NANS: variants seen among roughly 807,000 people sequenced by gnomAD.
NANS encodes N-acetylneuraminate synthase, also known as N-acetylneuraminate-9-phosphate synthase.
Under a neutral mutation model 33.3 loss-of-function variants are expected in NANS, and 29 were observed. The observed-to-expected ratio is 0.87, with a 90% confidence interval of 0.65 to 1.19. The LOEUF is 1.19. Ranked by LOEUF, NANS falls within the 50% of genes most tolerant of loss-of-function variation. NANS has a pLI of 0.00. For missense variants in NANS, 394 were observed against 461.1 expected (o/e 0.85, Z 1.33); for synonymous variants, 163 against 177.2 (o/e 0.92, Z 0.64).
At chr9:98,061,726 G>A (rs1828987559) in intron 2 of NANS, among the ~76,000 whole-genome samples, 1 of 151,420 alleles carries the variant, frequency 6.6e-6, no homozygotes, top group Admixed American at 6.6e-5. Context: ...GTTGCAGTAA[G>A]CCGAGATCGC....
intron 1 of NANS, among the ~76,000 whole-genome samples, chr9:98,057,149 C>T (rs1828851199): frequency 6.6e-6 from 1 of 152,262 alleles, no homozygotes; most frequent in Non-Finnish European, 1.5e-5. Flanking sequence ...CAGCTGCCTC[C>T]TAACCCGACC....
chr9:98,073,590 CTT>C (rs34969073), intron 2 of NANS, among the ~76,000 whole-genome samples: 5 of 141,646 alleles, frequency 3.5e-5, no homozygotes, highest in Non-Finnish European at 4.6e-5. Context: ...GCCTGGGCTT[CTT>C]TTTTTTTTTT....
chr9:98,056,981 G>C (rs1587900066), intron 1 of NANS, 41 bp downstream of exon 1: 1 of 1,532,682 alleles, frequency 6.5e-7, no homozygotes, highest in Admixed American at 1.9e-5. Context: ...CGGGCGCCGG[G>C]AGGGGCGGGG....
intron 2 of NANS, among the ~76,000 whole-genome samples, chr9:98,070,748 C>T (rs754210434): frequency 9.3e-5 from 14 of 151,044 alleles, no homozygotes; most frequent in Middle Eastern, 3.5e-3. Context: ...TCAGCAAATA[C>T]GAATAAATAA....
intron 2 of NANS, chr9:98,061,278 A>C: frequency 2.7e-6 from 1 of 370,838 alleles, no homozygotes; most frequent in Non-Finnish European, 5.1e-6. Flanking sequence ...GGAGTTCGAG[A>C]CCAGCCTGGC....
chr9:98,067,786 A>G (rs146082928), intron 2 of NANS, among the ~76,000 whole-genome samples: 1 of 151,360 alleles, frequency 6.6e-6, no homozygotes, highest in African/African-American at 2.4e-5. Context: ...GAGTGGTGCA[A>G]TATCGGCTCA....
intron 2 of NANS, among the ~76,000 whole-genome samples, chr9:98,070,704 G>A (rs1227542199): frequency 6.6e-6 from 1 of 152,018 alleles, no homozygotes; most frequent in Non-Finnish European, 1.5e-5. Flanking sequence ...ACAGGCATGA[G>A]CCATCGCGCC....
chr9:98,078,377 G>A, intron 4 of NANS, 30 bp downstream of exon 4: 2 of 1,606,178 alleles, frequency 1.2e-6, no homozygotes, highest in Non-Finnish European at 1.7e-6. Flanking sequence ...TTCCCTTCTT[G>A]GGCCATTTAC....
Position 98,081,107 on chromosome 9 carries a change from G to A in NANS, c.870+25G>A, listed in dbSNP as rs370620250. 6 of 1,612,524 alleles carry A rather than the reference G, an allele frequency of 3.7e-6. No homozygotes were observed. The African/African-American group carries it at 4.0e-5, about 11-fold the overall frequency. On this transcript the variant is annotated intron_variant, in intron 5 of 5. Coordinates refer to ENST00000210444, the MANE Select transcript of NANS (RefSeq NM_018946.4). ...GGTGTGTCCTGCCGGACTCTACTCG[G>A]TTCTGCTGCCGTGTGTGGAAAAAGG... is the stretch of plus-strand genomic sequence containing the variant.
rs757033554 is a variant in NANS at position 98,060,925 on chromosome 9, T to C, written c.276T>C (p.His92=). The change falls in exon 2 of 6, where the codon CAT becomes CAC. Residue 92 remains histidine, a synonymous_variant. Transcript: ENST00000210444. ...GEHKRHLEFS[H]DQYRELQRYA... ...ACAAACGACATCTGGAGTTCAGCCA[T>C]GACCAGTACAGGGAGCTGCAGAGGT... is the stretch of plus-strand genomic sequence containing the variant. 1.9e-6 allele frequency: 3 copies of C among 1,614,172 alleles called. No homozygotes were observed. The South Asian group carries it at 3.3e-5, about 18-fold the overall frequency.
At chr9:98,065,308 CTTTTTTTTTT>C (rs758040892) in intron 2 of NANS, among the ~76,000 whole-genome samples, 26 of 92,764 alleles carry the variant, frequency 2.8e-4, no homozygotes, top group South Asian at 4.5e-4. Flanking sequence ...ACTCCTGGTG[CTTTTTTTTTT>C]TTTTTTTTTT....
intron 2 of NANS, among the ~76,000 whole-genome samples, chr9:98,071,806 G>A (rs983030015): frequency 6.6e-6 from 1 of 152,188 alleles, no homozygotes. Flanking sequence ...CACCTGGATT[G>A]GGGACTTTTC....
intron 4 of NANS, among the ~76,000 whole-genome samples, chr9:98,079,698 AT>A (rs932893427): frequency 2.6e-5 from 4 of 152,034 alleles, no homozygotes; most frequent in African/African-American, 9.7e-5. Flanking sequence ...GACCCCAGCT[AT>A]TTTCCTTTTC....
chr9:98,067,573 A>G (rs1419651560), intron 2 of NANS, among the ~76,000 whole-genome samples: 2 of 152,028 alleles, frequency 1.3e-5, no homozygotes, highest in African/African-American at 4.8e-5. Context: ...TAAGAATTGG[A>G]TTATTTTTCT....
chr9:98,066,630 CAGGCCT>C (rs1564158238), intron 2 of NANS, among the ~76,000 whole-genome samples: 1 of 151,432 alleles, frequency 6.6e-6, no homozygotes, highest in African/African-American at 2.4e-5. Flanking sequence ...CCAATTCTCC[CAGGCCT>C]AGGCAACCAC....
At chr9:98,063,120 G>T (rs1284654925) in intron 2 of NANS, among the ~76,000 whole-genome samples, 2 of 151,618 alleles carry the variant, frequency 1.3e-5, no homozygotes, top group African/African-American at 4.9e-5. Context: ...TGGAGACAGG[G>T]TTTCACCATG....
chr9:98,066,502 A>G (rs943708224), intron 2 of NANS, among the ~76,000 whole-genome samples: 1 of 152,188 alleles, frequency 6.6e-6, no homozygotes, highest in Non-Finnish European at 1.5e-5. Context: ...CGAGGGTACA[A>G]TTCAGTGGTG....
chr9:98,076,341 AG>A (rs768825164), intron 2 of NANS: 1 of 152,050 alleles, frequency 6.6e-6, no homozygotes, highest in Non-Finnish European at 1.5e-5. Context: ...CCCCTGGGGC[AG>A]GTAGGGTCTG....
chr9:98,075,689 C>A (rs774269019), intron 2 of NANS: 1 of 152,064 alleles, frequency 6.6e-6, no homozygotes, highest in African/African-American at 2.4e-5. Context: ...CTTTTGATTT[C>A]CAACTTCAAA....
Sources: gnomAD v4.1 joint callset for allele counts (sites outside exome capture counted in the v4.1 genomes callset) on GRCh38, gnomAD v4.1.1 for gene constraint, MANE v1.5 for transcripts, NCBI Gene and HGNC (gene_info 2026-07-23, HGNC 2026-07-21) for gene names.